Variants in NSUN6 observed in about 807,000 individuals in gnomAD.
NSUN6 encodes the protein NOP2/Sun RNA methyltransferase 6.
Under a neutral mutation model 58.0 loss-of-function variants are expected in NSUN6, and 64 were observed. That is an observed-to-expected ratio of 1.10 (90% CI 0.90 to 1.36). The LOEUF is 1.36. NSUN6 is among the 40% of genes most tolerant of loss of function. NSUN6 has a pLI of 0.00. For missense variants in NSUN6, 701 were observed against 550.1 expected, an observed-to-expected ratio of 1.27 and a Z score of -2.74; for synonymous variants, 231 against 193.9, an observed-to-expected ratio of 1.19 and a Z score of -1.59.
intron 2 of NSUN6, among the ~76,000 whole-genome samples, chr10:18,644,283 C>A (rs943015462): frequency 1.3e-5 from 2 of 152,112 alleles, no homozygotes; most frequent in African/African-American, 4.8e-5. Context: ...TGAAATGTTA[C>A]AAATCCAAAA....
Position 18,545,723 on chromosome 10 carries a change from A to G in NSUN6, c.*210T>C. 2.0e-6 allele frequency: 1 copy of G among 488,544 alleles called. No individual in the cohort carries two copies. Among genetic ancestry groups the G allele is most frequent in the East Asian group, 3.8e-5 (1 of 26,546 alleles). The allele number at this position is 488,544 out of a possible 1,614,324, so 30.3% of individuals were successfully genotyped here. On this transcript the variant is annotated 3_prime_UTR_variant, in exon 11 of 11. Coordinates refer to ENST00000377304, the MANE Select transcript of NSUN6 (RefSeq NM_182543.5). Reference sequence around the variant, plus strand: ...TATACTCTACTAAATACATAAAAAAAAAAAATCTTTTAAAAACAGAAAATA... The same window carrying G: ...TATACTCTACTAAATACATAAAAAAGAAAAATCTTTTAAAAACAGAAAATA...
At chr10:18,600,590 A>T (rs912931821) in intron 6 of NSUN6, among the ~76,000 whole-genome samples, 1 of 151,698 alleles carries the variant, frequency 6.6e-6, no homozygotes. Context: ...CCACCACCAC[A>T]CTCAGCCTGG....
intron 3 of NSUN6, among the ~76,000 whole-genome samples, chr10:18,616,636 A>T (rs972653582): frequency 6.6e-6 from 1 of 152,238 alleles, no homozygotes; most frequent in Non-Finnish European, 1.5e-5. Flanking sequence ...AAAATACACA[A>T]GGAATTACAA....
chr10:18,595,777 ATATTC>A (rs1446309720), intron 7 of NSUN6, among the ~76,000 whole-genome samples: 2 of 152,146 alleles, frequency 1.3e-5, no homozygotes, highest in African/African-American at 4.8e-5. Flanking sequence ...CAAATAGTAA[ATATTC>A]TATATGTATG....
At chr10:18,563,945 A>G (rs2055735930) in intron 8 of NSUN6, among the ~76,000 whole-genome samples, 1 of 149,090 alleles carries the variant, frequency 6.7e-6, no homozygotes, top group Admixed American at 6.7e-5. Context: ...TCTTCACTCC[A>G]TTCCATTCTC....
At chr10:18,610,869 G>C (rs17622004) in intron 5 of NSUN6, among the ~76,000 whole-genome samples, 1 of 152,046 alleles carries the variant, frequency 6.6e-6, no homozygotes, top group South Asian at 2.1e-4. Context: ...GGATTAGGAC[G>C]GCACAGAAAA....
At chr10:18,567,886 A>G (rs1479735257) in intron 8 of NSUN6, among the ~76,000 whole-genome samples, 1 of 145,932 alleles carries the variant, frequency 6.9e-6, no homozygotes, top group Non-Finnish European at 1.5e-5. Context: ...ACCATCCTCC[A>G]TTCCATTCTA....
In NSUN6 at chr10:18,651,144, G is replaced by C; in HGVS notation, c.60C>G (p.Gly20=). Residue 20 remains glycine, a synonymous_variant, in exon 1 of 11, where the codon GGC becomes GGG. Coordinates refer to ENST00000377304, the MANE Select transcript of NSUN6 (RefSeq NM_182543.5). ...RPEVENYLKE[G]FMNKEIVTAL... is the part of the protein sequence containing the mutation. ...CTTGACCTACCTCCTTATTCATAAA[G>C]CCTTCCTTAAGATAGTTTTCAACCT... The C allele has an allele frequency of 6.4e-7, 1 of 1,574,600 alleles. No homozygotes were observed. Among genetic ancestry groups the C allele is most frequent in the Non-Finnish European group, 8.6e-7 (1 of 1,168,870 alleles).
rs138410094 is a variant in NSUN6, at chr10:18,588,120, T to A, written c.778-2027A>T. Among the ~76,000 whole-genome samples the A allele has an allele frequency of 4.5e-4, 69 of 152,280 alleles. No individual in the cohort carries two copies. In the East Asian group the frequency reaches 0.012, roughly 26 times the overall value. Reference sequence around the variant, plus strand: ...CCATTACTGAGTCTTCAGGAGGCTGTTGTACCTTGACAGTGCTAAGGAGAC... The same window carrying A: ...CCATTACTGAGTCTTCAGGAGGCTGATGTACCTTGACAGTGCTAAGGAGAC... On this transcript the variant is annotated intron_variant, in intron 7 of 10. Coordinates refer to ENST00000377304, the MANE Select transcript of NSUN6 (RefSeq NM_182543.5).
intron 3 of NSUN6, among the ~76,000 whole-genome samples, chr10:18,639,957 G>C (rs1419563015): frequency 6.6e-6 from 1 of 152,132 alleles, no homozygotes; most frequent in Admixed American, 6.6e-5. Context: ...ACATGCTTAT[G>C]CAAGTACACA....
intron 9 of NSUN6, among the ~76,000 whole-genome samples, chr10:18,551,269 T>TGTGTGC (rs1416620959): frequency 1.3e-5 from 2 of 149,960 alleles, no homozygotes; most frequent in African/African-American, 5.0e-5. Flanking sequence ...TGTGTGTGTG[T>TGTGTGC]GTGTGTGTGT....
intron 3 of NSUN6, among the ~76,000 whole-genome samples, chr10:18,619,136 T>G (rs1442453045): frequency 2.0e-5 from 3 of 152,186 alleles, no homozygotes; most frequent in East Asian, 1.9e-4. Context: ...TGATTCCCAG[T>G]GTAGCTTTTA....
In NSUN6 at chr10:18,651,503, A is replaced by G. The variant is rs2059705249; in HGVS notation, c.-300T>C. 1 of 1,070,460 alleles carries G rather than the reference A, an allele frequency of 9.3e-7. No homozygotes were observed. Among genetic ancestry groups the G allele is most frequent in the East Asian group, 6.4e-5 (1 of 15,512 alleles). The allele number at this position is 1,070,460 out of a possible 1,614,324, so 66.3% of individuals were successfully genotyped here. On this transcript the variant is annotated 5_prime_UTR_variant, in exon 1 of 11. Transcript: ENST00000377304. ...TGCAAAGAACCAAAAAAAGAAAAAA[A>G]TGCTTAGTAACTGAATCCGTGGTGA...
chr10:18,637,708 A>T (rs190900518), intron 3 of NSUN6, among the ~76,000 whole-genome samples: 242 of 152,370 alleles, frequency 1.6e-3, no homozygotes, highest in South Asian at 5.0e-3. Flanking sequence ...AAAAACAGGA[A>T]AAAACTAAAT....
At chr10:18,652,663 G>A (rs2059730090), upstream of NSUN6, 8 of 724,616 alleles carry the variant, frequency 1.1e-5, no homozygotes, top group Non-Finnish European at 1.3e-5. Flanking sequence ...TGGTTCAAGA[G>A]ATTCTCCTGC....
chr10:18,652,829 G>A (rs2059732845), upstream of NSUN6: 5 of 863,818 alleles, frequency 5.8e-6, no homozygotes, highest in Non-Finnish European at 7.0e-6. Flanking sequence ...AAAGTGCTGG[G>A]ATTACAGGCG....
At position 18,644,850 on chromosome 10, in the gene NSUN6, CA is replaced by C. The variant is rs1233199981; in HGVS notation, c.232-2296del. Among the ~76,000 whole-genome samples the C allele has an allele frequency of 4.7e-3, 523 of 111,608 alleles. 3 individuals carry two copies. The highest frequency in any genetic ancestry group is 0.016 in the African/African-American group (466 of 29,846). 73.2% of individuals were successfully genotyped at this position (111,608 alleles called of 152,430 possible). A position where few individuals can be genotyped will look rare whatever the true frequency, so the allele number is the denominator to read the frequency against. On this transcript the variant is annotated intron_variant, in intron 2 of 10. Transcript: ENST00000377304. ...GCGAGACTCCGTCTCAAAAAAAAAACAAAAAAAAAAAACTGAAAACGTGTAG... is the reference window on the plus strand; with the variant it reads ...GCGAGACTCCGTCTCAAAAAAAAAACAAAAAAAAAAACTGAAAACGTGTAG...
At chr10:18,563,664 C>T in intron 8 of NSUN6, among the ~76,000 whole-genome samples, 1 of 150,800 alleles carries the variant, frequency 6.6e-6, no homozygotes, top group Non-Finnish European at 1.5e-5. Flanking sequence ...CCATTCGATT[C>T]CATTCCATTC....
intron 8 of NSUN6, among the ~76,000 whole-genome samples, chr10:18,558,564 T>C (rs553384257): frequency 2.0e-5 from 3 of 149,258 alleles, no homozygotes; most frequent in Non-Finnish European, 4.5e-5. Flanking sequence ...GTGAATATAA[T>C]GGAGTGGAGA....
Sources: gnomAD v4.1 joint callset for allele counts (sites outside exome capture counted in the v4.1 genomes callset) on GRCh38, gnomAD v4.1.1 for gene constraint, MANE v1.5 for transcripts, NCBI Gene and HGNC (gene_info 2026-07-23, HGNC 2026-07-21) for gene names.